The following ADGRV1 variants were observed in gnomAD, a reference collection of about 807,000 sequenced individuals.
The protein encoded by ADGRV1 is G-protein coupled receptor 98.
A neutral mutation model predicts 596.2 loss-of-function variants in ADGRV1; 359 were observed. The observed-to-expected ratio is 0.60, with a 90% confidence interval of 0.55 to 0.66. The LOEUF is 0.66. Ranked by LOEUF, ADGRV1 falls within the 30% of genes least tolerant of loss-of-function variation. The probability of loss-of-function intolerance (pLI) is 0.00; values close to 1 mark genes in which losing one functional copy is unlikely to be tolerated. For synonymous variants in ADGRV1, 2,681 were observed against 2,679.2 expected, an observed-to-expected ratio of 1.00 and a Z score of -0.02; for missense variants, 7,274 against 7,575.6, an observed-to-expected ratio of 0.96 and a Z score of 1.48.
chr5:90,639,101 C>T (rs1215776592), intron 11 of ADGRV1, among the ~76,000 whole-genome samples: 1 of 150,990 alleles, frequency 6.6e-6, no homozygotes, highest in Non-Finnish European at 1.5e-5. Context: ...CACACACGCT[C>T]GCGCACACAC....
chr5:90,690,697 CT>C, intron 30 of ADGRV1, 99 bp from the exon 31 acceptor site: 1 of 1,216,434 alleles, frequency 8.2e-7, no homozygotes, highest in South Asian at 1.5e-5. Flanking sequence ...ACTTAGATTG[CT>C]TAGGGGGGAA....
At chr5:90,573,263 C>T (rs1252635562) in intron 1 of ADGRV1, among the ~76,000 whole-genome samples, 13 of 152,128 alleles carry the variant, frequency 8.5e-5, no homozygotes, top group Admixed American at 8.5e-4. Flanking sequence ...GAATCCATTC[C>T]CTGATGGCTT....
chr5:90,759,635 C>T (rs754531110), intron 58 of ADGRV1, 47 bp downstream of exon 58: 38 of 1,541,296 alleles, frequency 2.5e-5, no homozygotes, highest in Admixed American at 6.9e-5. Context: ...GCTAGCGTTT[C>T]ATGTAATTTT....
At chr5:90,625,376 A>C in intron 6 of ADGRV1, 133 bp downstream of exon 6, 1 of 530,120 alleles carries the variant, frequency 1.9e-6, no homozygotes, top group Non-Finnish European at 3.4e-6. Context: ...ACATCTTATT[A>C]CTATTTATCT....
chr5:90,684,432 C>T (rs1011580806), intron 28 of ADGRV1, among the ~76,000 whole-genome samples: 4 of 152,098 alleles, frequency 2.6e-5, no homozygotes, highest in Admixed American at 2.6e-4. Context: ...ATCTAGCACA[C>T]TCTATTATAA....
chr5:90,753,451 T>C, intron 53 of ADGRV1, 123 bp from the exon 54 acceptor site: 1 of 647,556 alleles, frequency 1.5e-6, no homozygotes, highest in Non-Finnish European at 2.6e-6. Flanking sequence ...TATTATTATG[T>C]TGCTTAAATA....
At chr5:91,110,141 G>A (rs528700654) in intron 87 of ADGRV1, among the ~76,000 whole-genome samples, 2 of 152,134 alleles carry the variant, frequency 1.3e-5, no homozygotes, top group Non-Finnish European at 2.9e-5. Context: ...TAAAAAAATT[G>A]AGTTGAGTTT....
intron 83 of ADGRV1, among the ~76,000 whole-genome samples, chr5:90,941,005 C>T (rs551966971): frequency 6.2e-4 from 94 of 152,062 alleles, no homozygotes; most frequent in South Asian, 3.9e-3. Context: ...TTGCTTTTTT[C>T]CCCCCTCCCA....
At chr5:90,746,315 G>A (rs1290251678) in intron 52 of ADGRV1, among the ~76,000 whole-genome samples, 2 of 152,102 alleles carry the variant, frequency 1.3e-5, no homozygotes. Flanking sequence ...CCTGAGGAAA[G>A]AGAACCATGC....
Position 90,635,129 on chromosome 5 carries a change from T to G in ADGRV1, c.1855T>G (p.Leu619Val), listed in dbSNP as rs202064612. Reference protein sequence around the residue: ...HFLVQLETVELLNIIPLIPPI... With the variant: ...HFLVQLETVEVLNIIPLIPPI... The stretch of plus-strand genomic sequence containing the variant: ...TTTATTATAGTTGGAAACTGTGGAG[T>G]TGTTAAACATAATTCCTCTAATCCC... Residue 619 changes from leucine to valine, a missense_variant, in exon 10 of 90, where the codon TTG (leucine) becomes GTG (valine). Transcript: ENST00000405460. 1.4e-4 allele frequency: 221 copies of G among 1,593,350 alleles called. 1 individual carries two copies. The African/African-American group carries it at 2.7e-3, about 20-fold the overall frequency.
At chr5:91,158,828 A>G (rs1362865172) in intron 89 of ADGRV1, among the ~76,000 whole-genome samples, 1 of 150,390 alleles carries the variant, frequency 6.6e-6, no homozygotes, top group Non-Finnish European at 1.5e-5. Context: ...GATGCTCCAT[A>G]TTGGATGGAT....
intron 22 of ADGRV1, 158 bp downstream of exon 22, chr5:90,672,880 C>A (rs1230523904): frequency 7.2e-6 from 4 of 556,628 alleles, no homozygotes. Flanking sequence ...AACATGTCTG[C>A]TGTAAAACCT....
intron 83 of ADGRV1, among the ~76,000 whole-genome samples, chr5:90,908,629 C>G (rs2150678117): frequency 6.6e-6 from 1 of 152,208 alleles, no homozygotes; most frequent in African/African-American, 2.4e-5. Context: ...ATTATAATAA[C>G]CTAAGATAAA....
At chr5:90,892,369 T>C (rs1469708761) in intron 83 of ADGRV1, among the ~76,000 whole-genome samples, 11 of 152,140 alleles carry the variant, frequency 7.2e-5, no homozygotes, top group African/African-American at 2.2e-4. Flanking sequence ...GTGATAAAAG[T>C]ATGGTTTTCT....
chr5:90,859,442 A>G lies in ADGRV1; in HGVS notation c.17755+3541A>G, dbSNP rs1284183497. Among the ~76,000 whole-genome samples, 5 of 151,968 alleles carry G rather than the reference A, an allele frequency of 3.3e-5. 1 individual carries two copies. The highest frequency in any genetic ancestry group is 7.4e-5 in the Non-Finnish European group (5 of 67,988). On this transcript the variant is annotated intron_variant, in intron 82 of 89. Coordinates refer to ENST00000405460, the MANE Select transcript of ADGRV1 (RefSeq NM_032119.4). The stretch of plus-strand genomic sequence containing the variant: ...ATTTTTAATAAAAATTATTTTATTT[A>G]TTTATTTTGAGATGGTGTCTCTCTC...
intron 85 of ADGRV1, among the ~76,000 whole-genome samples, chr5:91,069,674 C>G (rs1320228773): frequency 6.6e-6 from 1 of 152,166 alleles, no homozygotes; most frequent in Non-Finnish European, 1.5e-5. Context: ...ATATAAATTA[C>G]TTCAGACCCT....
In ADGRV1 at chr5:90,919,545, A is replaced by C. The variant is rs376041157; in HGVS notation, c.17857-45870A>C. ...TTTGAGAAATTAAAGTTGTTCCTCAAAGTGATCTCTTTTCTTGCTAAAATG... is the reference window on the plus strand; with the variant it reads ...TTTGAGAAATTAAAGTTGTTCCTCACAGTGATCTCTTTTCTTGCTAAAATG... On this transcript the variant is annotated intron_variant, in intron 83 of 89. Transcript: ENST00000405460. Among the ~76,000 whole-genome samples the C allele has an allele frequency of 2.7e-4, 41 of 152,352 alleles. No individual in the cohort carries two copies. In the East Asian group the frequency reaches 5.4e-3, roughly 20 times the overall value.
At chr5:90,979,546 C>T (rs1305437322) in intron 84 of ADGRV1, among the ~76,000 whole-genome samples, 1 of 152,064 alleles carries the variant, frequency 6.6e-6, no homozygotes, top group African/African-American at 2.4e-5. Flanking sequence ...ATGTTGCACT[C>T]CCAGTTCTAT....
In ADGRV1 at chr5:90,653,221, G is replaced by T. The variant is rs2149465966; in HGVS notation, c.3647G>T (p.Gly1216Val). The change falls in exon 20 of 90, where the codon GGT (glycine) becomes GTT (valine). Residue 1216 changes from glycine (G) to valine (V), a missense_variant. By Grantham distance (109) the Gly-to-Val change is moderately radical. This residue lies in a region of ADGRV1 where 1,715 missense variants were observed against 1,708.8 expected (regional missense o/e 1.00). Transcript: ENST00000405460. Reference sequence around the variant, plus strand: ...TTTCTTGTTACAGGTGGATCCCCAGGTCCTGGGGGCCAGCTAGCAGAAACC... The same window carrying T: ...TTTCTTGTTACAGGTGGATCCCCAGTTCCTGGGGGCCAGCTAGCAGAAACC... Reference protein sequence around the residue: ...KLVNISGGSPGPGGQLAETNL... With the variant: ...KLVNISGGSPVPGGQLAETNL... 1 of 1,609,268 alleles carries T rather than the reference G, an allele frequency of 6.2e-7. No homozygotes were observed. The highest frequency in any genetic ancestry group is 2.2e-5 in the East Asian group (1 of 44,778).
Sources: allele counts gnomAD v4.1 joint callset (sites outside exome capture counted in the v4.1 genomes callset), GRCh38; gene constraint gnomAD v4.1.1; regional missense constraint gnomAD v4.1.1; transcripts MANE v1.5; gene names NCBI Gene and HGNC (gene_info 2026-07-23, HGNC 2026-07-21).